The following ITGAV variants were observed in gnomAD, a reference collection of about 807,000 sequenced individuals.
The protein encoded by ITGAV is integrin subunit alpha V.
In ITGAV, 76 loss-of-function variants were observed where a neutral mutation model predicts 143.8. That is an observed-to-expected ratio of 0.53 (90% CI 0.44 to 0.64). The LOEUF is 0.64. ITGAV is among the 30% of genes least tolerant of loss of function. The pLI, the probability that ITGAV is intolerant of heterozygous loss-of-function variation, is 0.00. For synonymous variants in ITGAV, 453 were observed against 446.7 expected (o/e 1.01, Z -0.18); for missense variants, 1,193 against 1,274.7 (o/e 0.94, Z 0.98).
intron 12 of ITGAV, among the ~76,000 whole-genome samples, chr2:186,645,794 C>T (rs1332609638): frequency 1.3e-5 from 2 of 151,630 alleles, no homozygotes; most frequent in Admixed American, 6.6e-5. Context: ...CGTGAAACCC[C>T]GTCTCTACTG....
Position 186,590,397 on chromosome 2 carries a change from T to C in ITGAV, c.59T>C (p.Leu20Pro), listed in dbSNP as rs1475437332. The change falls in exon 1 of 30, where the codon CTC (leucine) becomes CCC (proline). Residue 20 changes from leucine (L) to proline (P), a missense_variant. Coordinates refer to ENST00000261023, the MANE Select transcript of ITGAV (RefSeq NM_002210.5). ...GGTCCCCGCGGCCTCCCGCTTCTTC[T>C]CTCGGGACTCCTGCTACCTCTGTGC... ...RLGPRGLPLL[L>P]SGLLLPLCRA... is the part of the protein sequence containing the mutation. 1 of 1,606,670 alleles carries C rather than the reference T, an allele frequency of 6.2e-7. No individual in the cohort carries two copies.
At chr2:186,623,217 C>CT (rs1372084407) in intron 3 of ITGAV, among the ~76,000 whole-genome samples, 6 of 152,196 alleles carry the variant, frequency 3.9e-5, no homozygotes, top group African/African-American at 1.2e-4. Flanking sequence ...TCATCATTGA[C>CT]TTTCAGGTCA....
At chr2:186,591,110 T>G (rs1036860583) in intron 1 of ITGAV, among the ~76,000 whole-genome samples, 1 of 152,254 alleles carries the variant, frequency 6.6e-6, no homozygotes, top group East Asian at 1.9e-4. Flanking sequence ...GTCAGACATT[T>G]GCACATTTGA....
chr2:186,622,190 G>A (rs1392297584), intron 2 of ITGAV, 149 bp from the exon 3 acceptor site: 2 of 588,916 alleles, frequency 3.4e-6, no homozygotes, highest in African/African-American at 1.9e-5. Flanking sequence ...AGTCTCTAAT[G>A]TATATAAACT....
intron 24 of ITGAV, chr2:186,667,992 T>C: frequency 3.7e-6 from 1 of 270,064 alleles, no homozygotes; most frequent in South Asian, 1.6e-4. Context: ...ATATAATTTG[T>C]TGTTTAAAAT....
chr2:186,611,816 A>C (rs911498767), intron 2 of ITGAV, among the ~76,000 whole-genome samples: 1 of 152,122 alleles, frequency 6.6e-6, no homozygotes, highest in Non-Finnish European at 1.5e-5. Flanking sequence ...CATGCCTGTA[A>C]TCCCAGCACT....
intron 1 of ITGAV, among the ~76,000 whole-genome samples, chr2:186,597,416 G>T (rs1323813946): frequency 2.6e-5 from 4 of 152,140 alleles, no homozygotes; most frequent in African/African-American, 9.7e-5. Flanking sequence ...TAGTGGAAAT[G>T]ACTTATTTAT....
At chr2:186,616,622 T>C (rs187348841) in intron 2 of ITGAV, among the ~76,000 whole-genome samples, 3 of 152,332 alleles carry the variant, frequency 2.0e-5, no homozygotes, top group Non-Finnish European at 1.5e-5. Context: ...AATAAATGCA[T>C]GATAACAGTA....
At chr2:186,634,767 A>G (rs1687907808) in intron 6 of ITGAV, among the ~76,000 whole-genome samples, 1 of 152,210 alleles carries the variant, frequency 6.6e-6, no homozygotes, top group Admixed American at 6.5e-5. Context: ...GTTCTAAAGT[A>G]CATATGAGAA....
chr2:186,659,286 A>G, intron 18 of ITGAV, 111 bp downstream of exon 18: 2 of 739,046 alleles, frequency 2.7e-6, no homozygotes, highest in South Asian at 5.1e-5. Flanking sequence ...TGTTTAGTCA[A>G]AGTCAGAAGT....
In ITGAV at chr2:186,668,906, C is replaced by G. The variant is rs1483113329; in HGVS notation, c.2578C>G (p.Pro860Ala). The G allele has an allele frequency of 1.2e-6, 2 of 1,607,868 alleles. No homozygotes were observed. Among genetic ancestry groups the G allele is most frequent in the South Asian group, 2.2e-5 (2 of 89,380 alleles). The part of the protein sequence containing the change: ...MNCTSDMEIN[P>A]LRIKISSLQT... ...CTGCACTTCAGATATGGAGATCAAC[C>G]CTTTGAGAATTAAGGTAATATGCTT... is the stretch of plus-strand genomic sequence containing the variant. Residue 860 changes from proline to alanine, a missense_variant, in exon 25 of 30, where the codon CCT becomes GCT. Physicochemically the swap from Pro to Ala is conservative, Grantham distance 27. Transcript: ENST00000261023.
chr2:186,641,323 A>C, intron 11 of ITGAV, 63 bp from the exon 12 acceptor site: 3 of 1,321,798 alleles, frequency 2.3e-6, no homozygotes, highest in Non-Finnish European at 3.3e-6. Flanking sequence ...GTAGTAAGAA[A>C]GAAAATGCCT....
In ITGAV at chr2:186,665,234, TA is replaced by T; in HGVS notation, c.2166+19del. 1 of 1,518,586 alleles carries T rather than the reference TA, an allele frequency of 6.6e-7. No homozygotes were observed. Among genetic ancestry groups the T allele is most frequent in the Non-Finnish European group, 9.1e-7 (1 of 1,095,160 alleles). The allele number at this position is 1,518,586 out of a possible 1,614,324, so 94.1% of individuals were successfully genotyped here. A position where few individuals can be genotyped will look rare whatever the true frequency, so the allele number is the denominator to read the frequency against. On this transcript the variant is annotated intron_variant, in intron 21 of 29. Coordinates refer to ENST00000261023, the MANE Select transcript of ITGAV (RefSeq NM_002210.5). Reference sequence around the variant, plus strand: ...TGGAACTCAAGTAAGACAATTTAATTAAACGGATTTTTCTCCCTGGCAAATA... The same window carrying T: ...TGGAACTCAAGTAAGACAATTTAATTAACGGATTTTTCTCCCTGGCAAATA...
intron 7 of ITGAV, among the ~76,000 whole-genome samples, 189 bp from the exon 8 acceptor site, chr2:186,636,876 T>A (rs1687958582): frequency 6.6e-6 from 1 of 152,220 alleles, no homozygotes; most frequent in Non-Finnish European, 1.5e-5. Context: ...AATAGACTAT[T>A]TGAGTATTTA....
intron 2 of ITGAV, among the ~76,000 whole-genome samples, chr2:186,619,895 G>A (rs1010015172): frequency 1.3e-5 from 2 of 152,118 alleles, no homozygotes; most frequent in African/African-American, 4.8e-5. Context: ...GGGAGGCTGA[G>A]GCAGGAGAAT....
chr2:186,608,743 CTGTGTGTATGTTCCA>C (rs1461762711), intron 2 of ITGAV, among the ~76,000 whole-genome samples: 1 of 151,934 alleles, frequency 6.6e-6, no homozygotes, highest in Admixed American at 6.6e-5. Context: ...GGTGGGTTGC[CTGTGTGTATGTTCCA>C]TGCAAGTTTT....
chr2:186,624,469 A>G (rs1687618234), intron 3 of ITGAV, among the ~76,000 whole-genome samples: 1 of 152,114 alleles, frequency 6.6e-6, no homozygotes, highest in Non-Finnish European at 1.5e-5. Context: ...AGGAGTAAGG[A>G]AAAGGAGCAA....
chr2:186,664,414 A>G, intron 19 of ITGAV, 80 bp from the exon 20 acceptor site: 4 of 1,352,500 alleles, frequency 3.0e-6, no homozygotes, highest in Admixed American at 3.8e-5. Context: ...CTGTGTATTT[A>G]TCTCTTCTTT....
chr2:186,636,146 C>T lies in ITGAV; in HGVS notation c.696C>T (p.Ile232=), dbSNP rs761467033. ...AATACGACCCCAATGTTTACAGCAT[C>T]AAGTATAATAACCAATTAGCAACTC... ...VSKYDPNVYS[I]KYNNQLATRT... Residue 232 remains isoleucine (I), a synonymous_variant, in exon 7 of 30, where the codon ATC becomes ATT. Coordinates refer to ENST00000261023, the MANE Select transcript of ITGAV (RefSeq NM_002210.5). 1.9e-6 allele frequency: 3 copies of T among 1,613,152 alleles called. No individual in the cohort carries two copies. The highest frequency in any genetic ancestry group is 2.5e-6 in the Non-Finnish European group (3 of 1,179,588).
Sources: gnomAD v4.1 joint callset for allele counts (sites outside exome capture counted in the v4.1 genomes callset) on GRCh38, gnomAD v4.1.1 for gene constraint, MANE v1.5 for transcripts, NCBI Gene and HGNC (gene_info 2026-07-23, HGNC 2026-07-21) for gene names.